The following LNX2 variants were observed in gnomAD, a reference collection of about 807,000 sequenced individuals.
LNX2 encodes ligand of Numb protein X 2.
A neutral mutation model predicts 66.2 loss-of-function variants in LNX2; 35 were observed. The observed-to-expected ratio is 0.53, with a 90% confidence interval of 0.40 to 0.70. LNX2 has a LOEUF of 0.70. Among genes scored for constraint, LNX2 ranks in the 30% least tolerant of loss-of-function variants. The pLI is 0.00. For missense variants in LNX2, 791 were observed against 850.8 expected (o/e 0.93, Z 0.87); for synonymous variants, 337 against 315.6 (o/e 1.07, Z -0.72).
chr13:27,600,048 C>G (rs995937871), intron 1 of LNX2, among the ~76,000 whole-genome samples: 25 of 152,138 alleles, frequency 1.6e-4, no homozygotes, highest in African/African-American at 5.1e-4. Flanking sequence ...ACAGGCACAT[C>G]AGTTATGTAC....
In LNX2 at chr13:27,562,709, G is replaced by A; in HGVS notation, c.928C>T (p.Leu310=). 1 of 1,614,182 alleles carries A rather than the reference G, an allele frequency of 6.2e-7. No individual in the cohort carries two copies. The highest frequency in any genetic ancestry group is 8.5e-7 in the Non-Finnish European group (1 of 1,180,024). ...RAVLSQPCNT[L]HLTVLRERRF... ...CTCTCTCGAAGCACAGTAAGATGCA[G>A]TGTGTTGCAGGGCTGGGAAAGGACA... The change falls in exon 5 of 10, where the codon CTG becomes TTG. Residue 310 remains leucine, a synonymous_variant. Coordinates refer to ENST00000316334, the MANE Select transcript of LNX2 (RefSeq NM_153371.4).
intron 1 of LNX2, among the ~76,000 whole-genome samples, chr13:27,614,937 GT>G (rs1424317895): frequency 6.6e-6 from 1 of 152,030 alleles, no homozygotes; most frequent in Non-Finnish European, 1.5e-5. Flanking sequence ...ACTCAGGAGT[GT>G]TTTTTTCTAT....
chr13:27,585,140 AATGGGCGAGGC>A (rs1284261233), intron 1 of LNX2, among the ~76,000 whole-genome samples: 2 of 142,340 alleles, frequency 1.4e-5, no homozygotes, highest in Non-Finnish European at 3.1e-5. Context: ...AAAAAAAAAA[AATGGGCGAGGC>A]ACGGTGGCTC....
At chr13:27,604,604 C>T (rs538155501) in intron 1 of LNX2, among the ~76,000 whole-genome samples, 2 of 152,144 alleles carry the variant, frequency 1.3e-5, no homozygotes, top group South Asian at 4.1e-4. Flanking sequence ...CACTTTTTTT[C>T]TTACTCTTAT....
At chr13:27,562,346 G>C in intron 5 of LNX2, 67 bp downstream of exon 5, 1 of 1,512,046 alleles carries the variant, frequency 6.6e-7, no homozygotes, top group South Asian at 1.3e-5. Context: ...TTATTGGCCA[G>C]TGAAAACAAA....
chr13:27,593,370 G>A (rs887245068), intron 1 of LNX2, among the ~76,000 whole-genome samples: 1 of 151,836 alleles, frequency 6.6e-6, no homozygotes, highest in Non-Finnish European at 1.5e-5. Flanking sequence ...CAATAGTTTT[G>A]AAAAATACCA....
At position 27,583,247 on chromosome 13, in the gene LNX2, TGTGTGTGTGCGCGC is replaced by T. The variant is rs1566124846; in HGVS notation, c.-100-1458_-100-1445del. ...GTGTGTGTGTGTGTGTGTGTGTGTG[TGTGTGTGTGCGCGC>T]GTCCTCTCCAACATACTTATTTTTA... On this transcript the variant is annotated intron_variant, in intron 1 of 9. Coordinates refer to ENST00000316334, the MANE Select transcript of LNX2 (RefSeq NM_153371.4). Among the ~76,000 whole-genome samples, 21 of 44,312 alleles carry T rather than the reference TGTGTGTGTGCGCGC, an allele frequency of 4.7e-4. 7 individuals carry two copies. The highest frequency in any genetic ancestry group is 6.6e-4 in the African/African-American group (4 of 6,072). The allele number at this position is 44,312 out of a possible 152,430, so 29.1% of individuals were successfully genotyped here. A position where few individuals can be genotyped will look rare whatever the true frequency, so the allele number is the denominator to read the frequency against.
intron 1 of LNX2, among the ~76,000 whole-genome samples, chr13:27,607,633 T>C (rs1444701814): frequency 6.6e-6 from 1 of 152,194 alleles, no homozygotes; most frequent in Non-Finnish European, 1.5e-5. Flanking sequence ...AGGTACAAAC[T>C]CAAGTTTGTA....
chr13:27,586,130 CACAT>C (rs898416659), intron 1 of LNX2, among the ~76,000 whole-genome samples: 4 of 150,096 alleles, frequency 2.7e-5, no homozygotes, highest in African/African-American at 9.8e-5. Context: ...TATATATACA[CACAT>C]ACACATATAT....
At chr13:27,594,220 CAT>C (rs1266888057) in intron 1 of LNX2, among the ~76,000 whole-genome samples, 5 of 152,132 alleles carry the variant, frequency 3.3e-5, no homozygotes, top group Admixed American at 1.3e-4. Flanking sequence ...CTAAATTAAA[CAT>C]ATGATTATTA....
At chr13:27,612,208 C>A (rs1535565) in intron 1 of LNX2, among the ~76,000 whole-genome samples, 35,275 of 152,040 alleles carry the variant, frequency 0.23, 4,441 homozygotes, top group African/African-American at 0.32. Flanking sequence ...AAGTTTTGGA[C>A]TAAATCATGA....
intron 4 of LNX2, among the ~76,000 whole-genome samples, 184 bp from the exon 5 acceptor site, chr13:27,562,965 T>C (rs1290841705): frequency 6.6e-6 from 1 of 152,210 alleles, no homozygotes; most frequent in Non-Finnish European, 1.5e-5. Context: ...GAGTTTCTAA[T>C]ATTAACTTAC....
intron 5 of LNX2, among the ~76,000 whole-genome samples, chr13:27,561,776 TATCATTAA>T (rs1955138584): frequency 6.6e-6 from 1 of 152,250 alleles, no homozygotes; most frequent in South Asian, 2.1e-4. Flanking sequence ...AAGTTGCTCA[TATCATTAA>T]ATGCTATGGC....
rs763700804 is a variant in LNX2, at chr13:27,562,522, C to G, written c.1115G>C (p.Gly372Ala). The G allele has an allele frequency of 1.9e-6, 3 of 1,614,162 alleles. No homozygotes were observed. The highest frequency in any genetic ancestry group is 3.3e-5 in the Admixed American group (2 of 60,022). Residue 372 changes from glycine to alanine, a missense_variant, in exon 5 of 10, where the codon GGG becomes GCG. By Grantham distance (60) the Gly-to-Ala change is moderately conservative. Transcript: ENST00000316334. Reference sequence around the variant, plus strand: ...CCTGCCGTCCTGGGCAGCCAACCCCCCTTCCAACAGGTCAAGAATAAAAAC... The same window carrying G: ...CCTGCCGTCCTGGGCAGCCAACCCCGCTTCCAACAGGTCAAGAATAAAAAC... ...PGVFILDLLEGGLAAQDGRLS... is the reference protein window; with the variant it reads ...PGVFILDLLEAGLAAQDGRLS...
At chr13:27,595,298 T>C (rs908919907) in intron 1 of LNX2, among the ~76,000 whole-genome samples, 3 of 152,208 alleles carry the variant, frequency 2.0e-5, no homozygotes, top group Non-Finnish European at 2.9e-5. Context: ...CTGCCACTTA[T>C]CACAGTTATC....
chr13:27,620,250 GCGCCGCTCCGGC>G (rs1337255598), intron 1 of LNX2, 113 bp downstream of exon 1: 1 of 152,162 alleles, frequency 6.6e-6, no homozygotes, highest in Non-Finnish European at 1.5e-5. Context: ...GCGAGCTGTG[GCGCCGCTCCGGC>G]CGCCTCCCGG....
intron 1 of LNX2, among the ~76,000 whole-genome samples, chr13:27,603,296 A>T (rs1050862703): frequency 6.6e-6 from 1 of 152,216 alleles, no homozygotes; most frequent in African/African-American, 2.4e-5. Flanking sequence ...ATATTTAGTC[A>T]CCTTTTCTAA....
At chr13:27,609,914 T>C (rs976959757) in intron 1 of LNX2, among the ~76,000 whole-genome samples, 3 of 152,168 alleles carry the variant, frequency 2.0e-5, no homozygotes, top group Admixed American at 1.3e-4. Flanking sequence ...GGAAAAAGAA[T>C]AGGTCAGTGT....
chr13:27,611,398 G>C (rs1955771616), intron 1 of LNX2, among the ~76,000 whole-genome samples: 1 of 152,162 alleles, frequency 6.6e-6, no homozygotes, highest in African/African-American at 2.4e-5. Context: ...GGTATCTAAA[G>C]TACTCAAATT....
Sources: allele counts gnomAD v4.1 joint callset (sites outside exome capture counted in the v4.1 genomes callset), GRCh38; gene constraint gnomAD v4.1.1; transcripts MANE v1.5; gene names NCBI Gene and HGNC (gene_info 2026-07-23, HGNC 2026-07-21).